Variants in SORCS3 observed in about 807,000 individuals in gnomAD.
SORCS3 encodes sortilin related VPS10 domain containing receptor 3, also known as VPS10 domain-containing receptor SorCS3.
A neutral mutation model predicts 146.3 loss-of-function variants in SORCS3; 57 were observed. That is an observed-to-expected ratio of 0.39 (90% CI 0.31 to 0.49). The LOEUF is 0.49. SORCS3 is among the 20% of genes least tolerant of loss of function. The pLI, the probability that SORCS3 is intolerant of heterozygous loss-of-function variation, is 0.92. For missense variants in SORCS3, 1,341 were observed against 1,575.5 expected, an observed-to-expected ratio of 0.85 and a Z score of 2.52; for synonymous variants, 653 against 618.5, an observed-to-expected ratio of 1.06 and a Z score of -0.83.
chr10:105,247,020 G>A (rs1167721227), intron 21 of SORCS3, among the ~76,000 whole-genome samples, 199 bp from the exon 22 acceptor site: 1 of 152,220 alleles, frequency 6.6e-6, no homozygotes, highest in Non-Finnish European at 1.5e-5. Context: ...ACTGGTAGGA[G>A]CACAAATCTA....
intron 7 of SORCS3, among the ~76,000 whole-genome samples, chr10:105,118,113 T>C (rs2133762865): frequency 6.6e-6 from 1 of 152,328 alleles, no homozygotes; most frequent in East Asian, 1.9e-4. Context: ...AAATCTCATC[T>C]TGAATTATAG....
intron 5 of SORCS3, among the ~76,000 whole-genome samples, chr10:105,076,333 G>T (rs2055589087): frequency 6.6e-6 from 1 of 152,322 alleles, no homozygotes; most frequent in East Asian, 1.9e-4. Context: ...TGCCCAGTGT[G>T]TAAGTGAAAT....
chr10:105,217,328 T>G (rs1462695038), intron 19 of SORCS3, among the ~76,000 whole-genome samples: 2 of 152,214 alleles, frequency 1.3e-5, no homozygotes, highest in East Asian at 3.9e-4. Flanking sequence ...GGATAACATA[T>G]TACCACCTGG....
intron 5 of SORCS3, among the ~76,000 whole-genome samples, chr10:105,065,719 C>A (rs1337335201): frequency 2.0e-5 from 3 of 152,124 alleles, no homozygotes; most frequent in Admixed American, 6.5e-5. Context: ...CATTTACTGG[C>A]AATACACCTA....
At chr10:105,082,159 T>C (rs1589623283) in intron 5 of SORCS3, among the ~76,000 whole-genome samples, 1 of 152,332 alleles carries the variant, frequency 6.6e-6, no homozygotes, top group Admixed American at 6.5e-5. Context: ...GTACAAAGAT[T>C]TCTCCACTGG....
intron 3 of SORCS3, among the ~76,000 whole-genome samples, chr10:104,972,623 G>GGA (rs2054867263): frequency 1.3e-5 from 2 of 151,766 alleles, no homozygotes; most frequent in East Asian, 1.9e-4. Context: ...ATGGGATGGG[G>GGA]GAGAGAGAGA....
chr10:104,769,231 C>T (rs577790523), intron 1 of SORCS3, among the ~76,000 whole-genome samples: 1 of 152,298 alleles, frequency 6.6e-6, no homozygotes, highest in African/African-American at 2.4e-5. Context: ...ACACTCCTTC[C>T]AGGGGCTCTA....
At chr10:104,979,660 A>G (rs1301640527) in intron 4 of SORCS3, among the ~76,000 whole-genome samples, 1 of 152,132 alleles carries the variant, frequency 6.6e-6, no homozygotes, top group African/African-American at 2.4e-5. Context: ...ACCAAGCCTC[A>G]TGGTGGGTGC....
intron 6 of SORCS3, among the ~76,000 whole-genome samples, chr10:105,095,210 A>G (rs2055737285): frequency 6.6e-6 from 1 of 152,140 alleles, no homozygotes; most frequent in Non-Finnish European, 1.5e-5. Context: ...TCTGGAGCAC[A>G]AGGCAGCTTT....
chr10:104,948,498 T>G (rs145067117), intron 3 of SORCS3, among the ~76,000 whole-genome samples: 183 of 152,318 alleles, frequency 1.2e-3, no homozygotes, highest in African/African-American at 4.3e-3. Flanking sequence ...GGAACTGAGT[T>G]TGCAAATGAA....
At chr10:104,701,935 CT>C (rs1437834700) in intron 1 of SORCS3, among the ~76,000 whole-genome samples, 1 of 152,010 alleles carries the variant, frequency 6.6e-6, no homozygotes, top group Non-Finnish European at 1.5e-5. Flanking sequence ...GTGTGAGGAG[CT>C]GGTAAATTTC....
chr10:104,958,861 A>G lies in SORCS3; in HGVS notation c.796-18474A>G, dbSNP rs544204871. Among the ~76,000 whole-genome samples the G allele has an allele frequency of 2.6e-5, 4 of 152,246 alleles. No homozygotes were observed. In the South Asian group the frequency reaches 8.3e-4, roughly 32 times the overall value. ...CATCTTACATGGTGGCAGAAGAGAG[A>G]GAGAGGGAGGAAGTGCCACACTTTT... On this transcript the variant is annotated intron_variant, in intron 3 of 26. Coordinates refer to ENST00000369701, the MANE Select transcript of SORCS3 (RefSeq NM_014978.3).
At chr10:104,743,565 G>A (rs1367741589) in intron 1 of SORCS3, among the ~76,000 whole-genome samples, 1 of 152,122 alleles carries the variant, frequency 6.6e-6, no homozygotes, top group African/African-American at 2.4e-5. Context: ...CCTTCTGCTA[G>A]GGTTCCTGGA....
rs559694224 is a variant in SORCS3, at chr10:104,884,545, G to A, written c.696-31288G>A. On this transcript the variant is annotated intron_variant, in intron 2 of 26. Transcript: ENST00000369701. Reference sequence around the variant, plus strand: ...GGGGAGCTATTGAAGGTTTTCAACTGGATGAGTATTTGAGATGGAATTTAG... The same window carrying A: ...GGGGAGCTATTGAAGGTTTTCAACTAGATGAGTATTTGAGATGGAATTTAG... 2.6e-5 allele frequency among the ~76,000 whole-genome samples: 4 copies of A among 152,278 alleles called. No individual in the cohort carries two copies. The South Asian group carries it at 8.3e-4, about 32-fold the overall frequency.
At chr10:105,147,564 G>T in intron 8 of SORCS3, 53 bp from the exon 9 acceptor site, 1 of 1,490,816 alleles carries the variant, frequency 6.7e-7, no homozygotes, top group Non-Finnish European at 9.1e-7. Flanking sequence ...GCATCCCAAT[G>T]GGCAGAGAGA....
chr10:104,896,310 C>G (rs1283525877), intron 2 of SORCS3, among the ~76,000 whole-genome samples: 1 of 152,190 alleles, frequency 6.6e-6, no homozygotes, highest in East Asian at 1.9e-4. Context: ...TCCACAAGAC[C>G]TTGGCCTTAA....
intron 1 of SORCS3, among the ~76,000 whole-genome samples, chr10:104,827,435 C>G (rs778979052): frequency 1.3e-5 from 2 of 152,128 alleles, no homozygotes; most frequent in Non-Finnish European, 2.9e-5. Context: ...AGACCAGGTG[C>G]ATTGTCAGTA....
chr10:104,798,347 T>G (rs2017582809), intron 1 of SORCS3, among the ~76,000 whole-genome samples: 1 of 152,198 alleles, frequency 6.6e-6, no homozygotes, highest in African/African-American at 2.4e-5. Flanking sequence ...CTGGTAACAT[T>G]CATGTAAGAA....
chr10:104,699,879 C>T (rs2016259742), intron 1 of SORCS3, among the ~76,000 whole-genome samples: 1 of 152,160 alleles, frequency 6.6e-6, no homozygotes, highest in Non-Finnish European at 1.5e-5. Context: ...GTTATGGTAA[C>T]TGCATCTGGA....
Sources: allele counts gnomAD v4.1 joint callset (sites outside exome capture counted in the v4.1 genomes callset), GRCh38; gene constraint gnomAD v4.1.1; transcripts MANE v1.5; gene names NCBI Gene and HGNC (gene_info 2026-07-23, HGNC 2026-07-21).